Variants in PREX2 observed in about 807,000 individuals in gnomAD.
The protein encoded by PREX2 is phosphatidylinositol-3,4,5-trisphosphate dependent Rac exchange factor 2.
Under a neutral mutation model 203.2 loss-of-function variants are expected in PREX2, and 107 were observed. The ratio of observed to expected loss-of-function variants is 0.53; its 90% CI spans 0.45 to 0.62. The LOEUF (loss-of-function observed/expected upper bound fraction) is 0.62, where lower values mean the gene tolerates loss of function less well. PREX2 is among the 20% of genes least tolerant of loss of function. The probability of loss-of-function intolerance (pLI) is 0.00; values close to 1 mark genes in which losing one functional copy is unlikely to be tolerated. For synonymous variants in PREX2, 672 were observed against 663.6 expected (o/e 1.01, Z -0.19); for missense variants, 1,777 against 1,955.9 (o/e 0.91, Z 1.72).
At chr8:68,143,154 T>C (rs1214798681) in intron 33 of PREX2, among the ~76,000 whole-genome samples, 1 of 152,190 alleles carries the variant, frequency 6.6e-6, no homozygotes, top group Non-Finnish European at 1.5e-5. Context: ...TTTGGATGTG[T>C]GTCCTTACCC....
intron 37 of PREX2, among the ~76,000 whole-genome samples, chr8:68,204,687 T>C (rs1178047832): frequency 1.4e-5 from 2 of 137,952 alleles, no homozygotes; most frequent in Admixed American, 7.2e-5. Flanking sequence ...TCTTTTTTTT[T>C]TTTTTTTTTT....
chr8:68,087,415 C>A (rs1351227866), intron 18 of PREX2, among the ~76,000 whole-genome samples: 1 of 152,092 alleles, frequency 6.6e-6, no homozygotes, highest in Non-Finnish European at 1.5e-5. Context: ...TAGTCCCAGC[C>A]ACTTGGGAGG....
At chr8:68,099,172 C>T (rs1810184835) in intron 22 of PREX2, among the ~76,000 whole-genome samples, 1 of 151,994 alleles carries the variant, frequency 6.6e-6, no homozygotes, top group African/African-American at 2.4e-5. Context: ...TTCTACCTTA[C>T]TGAAATAACT....
intron 34 of PREX2, 34 bp from the exon 35 acceptor site, chr8:68,157,288 G>A: frequency 1.7e-6 from 2 of 1,182,898 alleles, no homozygotes; most frequent in African/African-American, 1.5e-5. Context: ...GAGTTATAAA[G>A]TTGCTTGTAA....
intron 1 of PREX2, among the ~76,000 whole-genome samples, chr8:67,976,108 T>C: frequency 6.6e-6 from 1 of 152,082 alleles, no homozygotes; most frequent in Non-Finnish European, 1.5e-5. Context: ...TTGCAACTAG[T>C]CCCCAAAGTT....
At chr8:68,029,385 G>A (rs1563508112) in intron 5 of PREX2, among the ~76,000 whole-genome samples, 2 of 152,098 alleles carry the variant, frequency 1.3e-5, no homozygotes, top group Non-Finnish European at 2.9e-5. Flanking sequence ...TAGAGTTTCT[G>A]GAGAAGCCTG....
rs143456527 is a variant in PREX2 at position 68,132,333 on chromosome 8, C to T, written c.3767-1726C>T. 6.2e-4 allele frequency among the ~76,000 whole-genome samples: 94 copies of T among 151,452 alleles called. No individual in the cohort carries two copies. The East Asian group carries it at 0.016, about 27-fold the overall frequency. On this transcript the variant is annotated intron_variant, in intron 31 of 39. Coordinates refer to ENST00000288368, the MANE Select transcript of PREX2 (RefSeq NM_024870.4). ...GAGATTTTATAGTTATCTATAAATG[C>T]CCTTTCCTATCTAGTAGCATGGGGC...
intron 1 of PREX2, among the ~76,000 whole-genome samples, chr8:67,995,433 A>T (rs1054901116): frequency 6.6e-6 from 1 of 152,190 alleles, no homozygotes; most frequent in African/African-American, 2.4e-5. Flanking sequence ...ATTTGAAAAT[A>T]GTTTTCTTTG....
intron 34 of PREX2, among the ~76,000 whole-genome samples, chr8:68,150,816 G>A (rs1811419223): frequency 6.6e-6 from 1 of 152,162 alleles, no homozygotes; most frequent in Non-Finnish European, 1.5e-5. Context: ...TAAAACAACA[G>A]AAATGTATTC....
intron 35 of PREX2, among the ~76,000 whole-genome samples, chr8:68,167,330 C>CT (rs58354162): frequency 0.29 from 39,961 of 138,494 alleles, 5,954 homozygotes; most frequent in East Asian, 0.48. Context: ...GTGTTCTCTT[C>CT]TTTTTTTTTT....
intron 21 of PREX2, among the ~76,000 whole-genome samples, chr8:68,093,997 G>A (rs1809977007): frequency 6.6e-6 from 1 of 152,172 alleles, no homozygotes; most frequent in South Asian, 2.1e-4. Flanking sequence ...ATTCTTTTTT[G>A]AGTGGAGAAA....
At chr8:67,984,739 C>A (rs1421784259) in intron 1 of PREX2, among the ~76,000 whole-genome samples, 4 of 152,194 alleles carry the variant, frequency 2.6e-5, no homozygotes, top group African/African-American at 9.7e-5. Context: ...GGAAGTACAG[C>A]TGAGGACTCT....
chr8:68,207,502 T>C (rs1812653177), intron 37 of PREX2, among the ~76,000 whole-genome samples: 1 of 152,154 alleles, frequency 6.6e-6, no homozygotes, highest in Admixed American at 6.5e-5. Context: ...GAATGCTTAC[T>C]GAGTCCTAGG....
chr8:68,111,057 C>T (rs1810524227), intron 25 of PREX2: 1 of 265,946 alleles, frequency 3.8e-6, no homozygotes, highest in Non-Finnish European at 7.5e-6. Flanking sequence ...TGATATTTTA[C>T]TTCATTTAAT....
At chr8:68,034,432 T>G (rs1807974427) in intron 6 of PREX2, among the ~76,000 whole-genome samples, 1 of 152,204 alleles carries the variant, frequency 6.6e-6, no homozygotes, top group Admixed American at 6.5e-5. Context: ...TGAAGTATTT[T>G]GAAAAGGGAG....
intron 24 of PREX2, 50 bp downstream of exon 24, chr8:68,108,381 A>T (rs756556106): frequency 1.6e-5 from 22 of 1,353,718 alleles, no homozygotes; most frequent in Middle Eastern, 1.8e-4. Flanking sequence ...AATTTAGGCA[A>T]TCATAGCTAT....
At chr8:68,150,780 A>G (rs1429146310) in intron 34 of PREX2, among the ~76,000 whole-genome samples, 1 of 152,180 alleles carries the variant, frequency 6.6e-6, no homozygotes, top group Non-Finnish European at 1.5e-5. Flanking sequence ...GTGCTGCCCT[A>G]GCAAGTTACC....
At position 68,231,512 on chromosome 8, in the gene PREX2, C is replaced by A; in HGVS notation, c.*134C>A. On this transcript the variant is annotated 3_prime_UTR_variant, in exon 40 of 40. Coordinates refer to ENST00000288368, the MANE Select transcript of PREX2 (RefSeq NM_024870.4). ...TTTTTTTTTCTGTAAATCTTTCTTC[C>A]CATTGCAAACAAGTAGTGATCAGTT... 2 of 635,396 alleles carry A rather than the reference C, an allele frequency of 3.1e-6. No homozygotes were observed. The highest frequency in any genetic ancestry group is 5.0e-6 in the Non-Finnish European group (2 of 399,232). The allele number at this position is 635,396 out of a possible 1,614,324, so 39.4% of individuals were successfully genotyped here.
intron 35 of PREX2, among the ~76,000 whole-genome samples, chr8:68,165,239 C>T (rs559579793): frequency 3.8e-4 from 58 of 151,942 alleles, no homozygotes; most frequent in Non-Finnish European, 4.3e-4. Context: ...AGAAAATGGT[C>T]GGATCTACAT....
Sources: gnomAD v4.1 joint callset for allele counts (sites outside exome capture counted in the v4.1 genomes callset) on GRCh38, gnomAD v4.1.1 for gene constraint, MANE v1.5 for transcripts, NCBI Gene and HGNC (gene_info 2026-07-23, HGNC 2026-07-21) for gene names.